STK3: variants seen among roughly 807,000 people sequenced by gnomAD.
STK3 encodes the protein serine/threonine kinase 3.
Under a neutral mutation model 58.0 loss-of-function variants are expected in STK3, and 41 were observed. The observed-to-expected ratio is 0.71, with a 90% CI of 0.55 to 0.92. The LOEUF (loss-of-function observed/expected upper bound fraction) is 0.92. STK3 is among the 40% of genes least tolerant of loss of function. The probability of loss-of-function intolerance (pLI) is 0.00; values close to 1 mark genes in which losing one functional copy is unlikely to be tolerated. For synonymous variants in STK3, 170 were observed against 191.0 expected (o/e 0.89, Z 0.91); for missense variants, 479 against 602.7 (o/e 0.79, Z 2.15).
Position 98,407,714 on chromosome 8 carries a change from A to G in STK3, n.484-6201T>C, listed in dbSNP as rs979723547. Among the ~76,000 whole-genome samples the G allele has an allele frequency of 6.6e-5, 9 of 137,176 alleles. No homozygotes were observed. The South Asian group carries it at 1.5e-3, about 23-fold the overall frequency. 90.0% of individuals were successfully genotyped at this position (137,176 alleles called of 152,430 possible). The stretch of plus-strand genomic sequence containing the variant: ...CCTTCTAGCCCACTCAGATGAGTGC[A>G]TGTGTGTGTGTGTGTGTGTGTGTGT... On this transcript the variant is annotated intron_variant and non_coding_transcript_variant, in intron 3 of 3. Coordinates refer to the STK3 transcript ENST00000517832.
At chr8:98,710,294 G>T (rs1034663644) in intron 4 of STK3, among the ~76,000 whole-genome samples, 1 of 152,186 alleles carries the variant, frequency 6.6e-6, no homozygotes, top group African/African-American at 2.4e-5. Flanking sequence ...GAAAGTGGGT[G>T]CAAGACAGTG....
intron 8 of STK3, among the ~76,000 whole-genome samples, chr8:98,569,278 G>C (rs534201706): frequency 6.6e-6 from 1 of 152,144 alleles, no homozygotes; most frequent in East Asian, 1.9e-4. Context: ...GAAGCTACTG[G>C]GAGATATGAT....
At chr8:98,683,139 C>G (rs1457323638) in intron 6 of STK3, among the ~76,000 whole-genome samples, 2 of 151,698 alleles carry the variant, frequency 1.3e-5, no homozygotes, top group Admixed American at 1.3e-4. Flanking sequence ...TTTTTCTGAT[C>G]TCTAATAAGG....
chr8:98,835,172 A>G (rs1835701778), intron 3 of STK3, among the ~76,000 whole-genome samples: 2 of 152,220 alleles, frequency 1.3e-5, no homozygotes, highest in South Asian at 2.1e-4. Context: ...CATACCTCAC[A>G]TAGCTCAGAC....
chr8:98,629,844 A>C (rs762897883), intron 6 of STK3, among the ~76,000 whole-genome samples: 1 of 151,980 alleles, frequency 6.6e-6, no homozygotes, highest in East Asian at 1.9e-4. Flanking sequence ...CATGCAAACC[A>C]CTCAATCTAA....
intron 10 of STK3, among the ~76,000 whole-genome samples, chr8:98,505,347 G>A (rs1328374459): frequency 1.3e-5 from 2 of 152,076 alleles, no homozygotes; most frequent in Admixed American, 1.3e-4. Flanking sequence ...TCCTCCTTTA[G>A]CTCAGAGAAG....
intron 6 of STK3, among the ~76,000 whole-genome samples, chr8:98,696,902 C>T (rs1386252179): frequency 6.6e-6 from 1 of 152,126 alleles, no homozygotes; most frequent in African/African-American, 2.4e-5. Context: ...CCCTCTTTTT[C>T]TATTGATTGG....
chr8:98,923,533 C>T (rs2132015817), intron 1 of STK3, among the ~76,000 whole-genome samples: 1 of 152,230 alleles, frequency 6.6e-6, no homozygotes, highest in East Asian at 1.9e-4. Flanking sequence ...TGAAAACAAA[C>T]AAACAAACCT....
At chr8:98,539,774 GAT>G (rs1430614186) in intron 9 of STK3, among the ~76,000 whole-genome samples, 1 of 151,514 alleles carries the variant, frequency 6.6e-6, no homozygotes, top group Non-Finnish European at 1.5e-5. Flanking sequence ...GTTTTTCTGA[GAT>G]AGAGTCTTGC....
intron 4 of STK3, among the ~76,000 whole-genome samples, chr8:98,714,701 T>C (rs1826847011): frequency 6.6e-6 from 1 of 152,048 alleles, no homozygotes. Context: ...AAAATGGCCA[T>C]ACTGTCCAAG....
chr8:98,597,439 T>A, intron 6 of STK3: 1 of 985,292 alleles, frequency 1.0e-6, no homozygotes, highest in Non-Finnish European at 1.2e-6. Flanking sequence ...TCTATGATAG[T>A]CTTTCAAAAG....
At chr8:98,787,527 A>T (rs988403926) in intron 1 of STK3, among the ~76,000 whole-genome samples, 6 of 152,204 alleles carry the variant, frequency 3.9e-5, no homozygotes, top group African/African-American at 1.4e-4. Context: ...ATAATTGAGG[A>T]AAACTTCCCA....
intron 4 of STK3, among the ~76,000 whole-genome samples, chr8:98,728,448 G>A (rs569258313): frequency 6.6e-6 from 1 of 152,168 alleles, no homozygotes; most frequent in Admixed American, 6.5e-5. Flanking sequence ...CTATCACAAA[G>A]CCCCACAACT....
chr8:98,388,542 C>T (rs768381185), upstream of STK3, among the ~76,000 whole-genome samples: 1 of 152,154 alleles, frequency 6.6e-6, no homozygotes, highest in African/African-American at 2.4e-5. Context: ...AATCAAGCCC[C>T]AAGATCTAAT....
chr8:98,877,151 A>G (rs913717788), intron 3 of STK3, among the ~76,000 whole-genome samples: 3 of 152,240 alleles, frequency 2.0e-5, no homozygotes, highest in African/African-American at 7.2e-5. Context: ...CTATGTAACT[A>G]AAGATTCAAA....
chr8:98,841,984 G>T (rs746187437), intron 3 of STK3, among the ~76,000 whole-genome samples: 6 of 151,982 alleles, frequency 3.9e-5, no homozygotes, highest in Non-Finnish European at 7.4e-5. Context: ...CAGTGTTCTA[G>T]TTCATCAGCA....
intron 9 of STK3, among the ~76,000 whole-genome samples, chr8:98,545,969 C>G (rs966718518): frequency 6.6e-6 from 1 of 152,190 alleles, no homozygotes; most frequent in South Asian, 2.1e-4. Context: ...TATGACAATC[C>G]CTAGGGGTTA....
rs182815474 is a variant in STK3, at chr8:98,614,653, C to G, written c.685-18484G>C. On this transcript the variant is annotated intron_variant, in intron 6 of 10. Coordinates refer to ENST00000419617, the MANE Select transcript of STK3 (RefSeq NM_006281.4). ...GAGGCATTGCCTCACCTGGGAAGCG[C>G]AAGGGGTCAGGGAGTTCCCTTTCCG... Among the ~76,000 whole-genome samples, 178 of 152,294 alleles carry G rather than the reference C, an allele frequency of 1.2e-3. 1 individual carries two copies. Among genetic ancestry groups the G allele is most frequent in the Non-Finnish European group, 1.7e-3 (119 of 68,012 alleles).
intron 6 of STK3, among the ~76,000 whole-genome samples, chr8:98,697,016 C>T (rs1275535181): frequency 1.3e-5 from 2 of 152,112 alleles, no homozygotes; most frequent in East Asian, 1.9e-4. Flanking sequence ...AAGCTATTGA[C>T]TATTGCCACA....
Sources: gnomAD v4.1 joint callset for allele counts (sites outside exome capture counted in the v4.1 genomes callset) on GRCh38, gnomAD v4.1.1 for gene constraint, MANE v1.5 for transcripts, NCBI Gene and HGNC (gene_info 2026-07-23, HGNC 2026-07-21) for gene names.